ABTB3: variants seen among roughly 807,000 people sequenced by gnomAD.
The protein encoded by ABTB3 is ankyrin repeat and BTB domain containing 3.
the ABTB3 span, among the ~76,000 whole-genome samples, chr12:107,450,393 C>A: frequency 6.6e-6 from 1 of 152,050 alleles, no homozygotes; most frequent in African/African-American, 2.4e-5. Context: ...GACACGGGAG[C>A]CTTCAGAATG....
chr12:107,354,389 A>G, the ABTB3 span, among the ~76,000 whole-genome samples: 6 of 151,932 alleles, frequency 3.9e-5, no homozygotes, highest in Admixed American at 2.0e-4. Context: ...TACTCCCCCA[A>G]TTCCTTTTGT....
chr12:107,549,909 A>G, the ABTB3 span, among the ~76,000 whole-genome samples: 1 of 152,168 alleles, frequency 6.6e-6, no homozygotes, highest in Admixed American at 6.5e-5. Flanking sequence ...TACAAGAGAT[A>G]TTGGGGCTTG....
At chr12:107,389,123 A>G in the ABTB3 span, among the ~76,000 whole-genome samples, 2 of 152,084 alleles carry the variant, frequency 1.3e-5, no homozygotes, top group Non-Finnish European at 2.9e-5. Flanking sequence ...CAAAGATCAC[A>G]AGCTTATTTT....
At chr12:107,507,491 G>C in the ABTB3 span, among the ~76,000 whole-genome samples, 1 of 152,240 alleles carries the variant, frequency 6.6e-6, no homozygotes, top group Middle Eastern at 3.4e-3. Context: ...ATTCTGGCCA[G>C]AACACCAGCA....
At chr12:107,654,071 T>A in the ABTB3 span, among the ~76,000 whole-genome samples, 2 of 152,212 alleles carry the variant, frequency 1.3e-5, no homozygotes, top group Non-Finnish European at 2.9e-5. Context: ...TTATTTCACT[T>A]AGCATAATGT....
the ABTB3 span, chr12:107,617,342 G>A: frequency 7.4e-6 from 12 of 1,613,958 alleles, no homozygotes; most frequent in Admixed American, 3.3e-5. Context: ...GCGTGGTGCC[G>A]ATCCCCTGAT....
At chr12:107,640,396 AT>A in the ABTB3 span, 1 of 1,584,488 alleles carries the variant, frequency 6.3e-7, no homozygotes, top group Non-Finnish European at 8.6e-7. Flanking sequence ...AAGTGCTGTT[AT>A]TTACAGCCTC....
chr12:107,360,032 G>A, the ABTB3 span, among the ~76,000 whole-genome samples: 1 of 151,822 alleles, frequency 6.6e-6, no homozygotes. Context: ...TGCCCACCAC[G>A]TGCCCAACTT....
At chr12:107,412,905 C>A in the ABTB3 span, among the ~76,000 whole-genome samples, 2 of 152,172 alleles carry the variant, frequency 1.3e-5, no homozygotes, top group Non-Finnish European at 2.9e-5. Flanking sequence ...CAGGCCACAA[C>A]CCTGGAGCTC....
chr12:107,632,748 G>T, the ABTB3 span, among the ~76,000 whole-genome samples: 1 of 152,204 alleles, frequency 6.6e-6, no homozygotes, highest in Non-Finnish European at 1.5e-5. Context: ...CCTTTCTGGG[G>T]GCTTTGGGGA....
At chr12:107,407,268 G>A in the ABTB3 span, among the ~76,000 whole-genome samples, 1 of 152,202 alleles carries the variant, frequency 6.6e-6, no homozygotes, top group Non-Finnish European at 1.5e-5. Flanking sequence ...GCACACAGTG[G>A]ATGCTGTTTC....
At chr12:107,612,792 C>T in the ABTB3 span, 5 of 1,613,420 alleles carry the variant, frequency 3.1e-6, no homozygotes, top group African/African-American at 2.7e-5. Flanking sequence ...CATGACTCCC[C>T]TGATGTATGC....
At chr12:107,471,802 C>T in the ABTB3 span, among the ~76,000 whole-genome samples, 8 of 152,074 alleles carry the variant, frequency 5.3e-5, no homozygotes, top group Non-Finnish European at 7.4e-5. Flanking sequence ...ACTCTGCCCC[C>T]GTGCCTAGAG....
At chr12:107,564,322 C>G in the ABTB3 span, among the ~76,000 whole-genome samples, 1 of 152,192 alleles carries the variant, frequency 6.6e-6, no homozygotes, top group Non-Finnish European at 1.5e-5. Context: ...AAGACTCACT[C>G]ATGTGGAACA....
At chr12:107,408,897 G>A in the ABTB3 span, among the ~76,000 whole-genome samples, 1 of 152,232 alleles carries the variant, frequency 6.6e-6, no homozygotes, top group Non-Finnish European at 1.5e-5. Context: ...TGGTGAGCAA[G>A]ACCCAGGATC....
chr12:107,592,194 A>T, the ABTB3 span, among the ~76,000 whole-genome samples: 1 of 152,166 alleles, frequency 6.6e-6, no homozygotes, highest in East Asian at 1.9e-4. Context: ...ACAGTCCCCA[A>T]CCTCACTAGT....
At chr12:107,638,941 C>T in the ABTB3 span, among the ~76,000 whole-genome samples, 13 of 152,306 alleles carry the variant, frequency 8.5e-5, no homozygotes, top group East Asian at 2.5e-3. Flanking sequence ...AATGGACAGA[C>T]ATGGATACAT....
the ABTB3 span, among the ~76,000 whole-genome samples, chr12:107,526,945 C>T: frequency 1.3e-5 from 2 of 152,084 alleles, no homozygotes; most frequent in African/African-American, 4.8e-5. Context: ...GGTGAAGTGG[C>T]CACTGGCCTA....
chr12:107,504,515 G>A, the ABTB3 span, among the ~76,000 whole-genome samples: 1 of 152,204 alleles, frequency 6.6e-6, no homozygotes, highest in Non-Finnish European at 1.5e-5. Context: ...TCACCAGGCT[G>A]TTTAATTAAA....
Sources: allele counts gnomAD v4.1 joint callset (sites outside exome capture counted in the v4.1 genomes callset), GRCh38; gene constraint gnomAD v4.1.1; transcripts MANE v1.5; gene names NCBI Gene and HGNC (gene_info 2026-07-23, HGNC 2026-07-21).